Variants in KAZN observed in about 807,000 individuals in gnomAD.
KAZN encodes kazrin, periplakin interacting protein, also known as kazrin.
KAZN carries 40 observed loss-of-function variants against 87.4 expected under a neutral mutation model. That is an observed-to-expected ratio of 0.46 (90% CI 0.36 to 0.60). The LOEUF (loss-of-function observed/expected upper bound fraction) is 0.60, where lower values mean the gene tolerates loss of function less well. Among genes scored for constraint, KAZN ranks in the 20% least tolerant of loss-of-function variants. KAZN has a pLI of 0.00. For missense variants in KAZN, 898 were observed against 1,073.9 expected, an observed-to-expected ratio of 0.84 and a Z score of 2.29; for synonymous variants, 466 against 458.3, an observed-to-expected ratio of 1.02 and a Z score of -0.22.
intron 2 of KAZN, among the ~76,000 whole-genome samples, chr1:14,287,985 T>G (rs1326787405): frequency 2.6e-5 from 4 of 152,258 alleles, no homozygotes; most frequent in African/African-American, 9.6e-5. Context: ...TTACATTTAT[T>G]GATTTGCATA....
intron 1 of KAZN, among the ~76,000 whole-genome samples, chr1:14,656,001 C>G (rs958682851): frequency 2.6e-5 from 4 of 152,174 alleles, no homozygotes; most frequent in Admixed American, 1.3e-4. Flanking sequence ...GCACCCTCCC[C>G]TTAACAACCT....
chr1:14,845,623 T>C (rs1648659383), intron 1 of KAZN, among the ~76,000 whole-genome samples: 1 of 151,952 alleles, frequency 6.6e-6, no homozygotes, highest in African/African-American at 2.4e-5. Flanking sequence ...TCCTTCAGTT[T>C]TGCATGCCCT....
chr1:14,549,464 T>TATCC (rs1398259172), intron 2 of KAZN, among the ~76,000 whole-genome samples: 1 of 152,126 alleles, frequency 6.6e-6, no homozygotes, highest in African/African-American at 2.4e-5. Context: ...GGCCCCCCCT[T>TATCC]ATCCATACCT....
At chr1:15,045,413 A>G (rs1673366140) in intron 4 of KAZN, among the ~76,000 whole-genome samples, 1 of 152,186 alleles carries the variant, frequency 6.6e-6, no homozygotes. Flanking sequence ...AGATAATGGC[A>G]TATGTAGTTG....
chr1:14,701,540 C>A (rs1053987061), intron 1 of KAZN, among the ~76,000 whole-genome samples: 2 of 152,214 alleles, frequency 1.3e-5, no homozygotes, highest in Non-Finnish European at 2.9e-5. Context: ...TGCCTATAAT[C>A]GCAGCACTTT....
intron 1 of KAZN, among the ~76,000 whole-genome samples, chr1:13,954,727 A>C (rs1641478676): frequency 6.6e-6 from 1 of 152,208 alleles, no homozygotes; most frequent in Non-Finnish European, 1.5e-5. Flanking sequence ...GCTCTTATGC[A>C]CTACCTCCAT....
At chr1:15,015,055 AC>A (rs1303315356) in intron 2 of KAZN, among the ~76,000 whole-genome samples, 1 of 152,176 alleles carries the variant, frequency 6.6e-6, no homozygotes, top group East Asian at 1.9e-4. Context: ...AAGTTTTAGA[AC>A]ACTTCTGACA....
At chr1:14,890,980 A>C (rs113461587) in intron 1 of KAZN, among the ~76,000 whole-genome samples, 16,899 of 150,750 alleles carry the variant, frequency 0.11, 1,000 homozygotes, top group Middle Eastern at 0.19. Context: ...AGTAGCTGGG[A>C]CTACAGGCAC....
At chr1:14,660,538 TCTC>T (rs1448104959) in intron 1 of KAZN, among the ~76,000 whole-genome samples, 3 of 122,770 alleles carry the variant, frequency 2.4e-5, no homozygotes, top group African/African-American at 3.3e-5. Flanking sequence ...TCTCTCTCTC[TCTC>T]TTTTTTTTTT....
rs548531484 is a variant in KAZN at position 14,396,870 on chromosome 1, A to G, written c.250-202113A>G. ...TTTCTCTAATGTCAGCCATCTTTTT[A>G]AGACAGATTCCATTTTCTCTGCTCT... On this transcript the variant is annotated intron_variant, in intron 2 of 16. Transcript: ENST00000636203. Among the ~76,000 whole-genome samples the G allele has an allele frequency of 6.6e-5, 10 of 151,400 alleles. No homozygotes were observed. The East Asian group carries it at 1.6e-3, about 24-fold the overall frequency.
chr1:15,092,370 C>T (rs575238250), intron 8 of KAZN, among the ~76,000 whole-genome samples: 3 of 152,216 alleles, frequency 2.0e-5, no homozygotes, highest in African/African-American at 7.2e-5. Flanking sequence ...CCACTGTGCC[C>T]AGCCAGTCAG....
At chr1:13,999,368 AAAAAAC>A (rs921542743) in intron 1 of KAZN, among the ~76,000 whole-genome samples, 2 of 142,740 alleles carry the variant, frequency 1.4e-5, no homozygotes, top group Admixed American at 7.0e-5. Context: ...AACAAAAAAC[AAAAAAC>A]AAAAAAACAA....
intron 1 of KAZN, among the ~76,000 whole-genome samples, chr1:14,722,897 G>A (rs1643190859): frequency 6.6e-6 from 1 of 152,130 alleles, no homozygotes; most frequent in Non-Finnish European, 1.5e-5. Context: ...AGACTGAGGT[G>A]GGAGGGTCAT....
rs571553370 is a variant in KAZN, at chr1:14,226,486, A to T, written c.249+45894A>T. 8.2e-4 allele frequency among the ~76,000 whole-genome samples: 125 copies of T among 152,316 alleles called. 1 individual carries two copies. Among genetic ancestry groups the T allele is most frequent in the African/African-American group, 2.9e-3 (119 of 41,576 alleles). ...AAATAGTTCAGCCACTGTGGAAAGCAGTTTGGAGGTTTCTCAGAGAACTTA... is the reference window on the plus strand; with the variant it reads ...AAATAGTTCAGCCACTGTGGAAAGCTGTTTGGAGGTTTCTCAGAGAACTTA... On this transcript the variant is annotated intron_variant, in intron 2 of 16. Transcript: ENST00000636203.
chr1:14,454,679 T>C (rs1667468389), intron 2 of KAZN, among the ~76,000 whole-genome samples: 1 of 152,182 alleles, frequency 6.6e-6, no homozygotes, highest in Non-Finnish European at 1.5e-5. Context: ...ATATACATTA[T>C]TGAGGATAGC....
At chr1:14,156,923 T>TC (rs1186532203) in intron 1 of KAZN, among the ~76,000 whole-genome samples, 1 of 151,806 alleles carries the variant, frequency 6.6e-6, no homozygotes, top group African/African-American at 2.4e-5. Context: ...TTTTTTTTTT[T>TC]TTTCCTTGTC....
intron 1 of KAZN, among the ~76,000 whole-genome samples, chr1:14,738,228 G>A (rs926807310): frequency 1.7e-4 from 26 of 152,200 alleles, no homozygotes; most frequent in African/African-American, 6.3e-4. Context: ...ACTGTGATGG[G>A]ATGGGAGTCC....
At chr1:14,319,858 G>T (rs371139262) in intron 2 of KAZN, among the ~76,000 whole-genome samples, 6 of 152,224 alleles carry the variant, frequency 3.9e-5, no homozygotes, top group African/African-American at 1.2e-4. Flanking sequence ...TGAAGCAGAA[G>T]GTCTTTATAG....
In KAZN at chr1:14,015,793, G is replaced by C. The variant is rs533713117; in HGVS notation, c.91+122037G>C. Among the ~76,000 whole-genome samples the C allele has an allele frequency of 2.0e-5, 3 of 151,756 alleles. No homozygotes were observed. The South Asian group carries it at 6.3e-4, about 32-fold the overall frequency. On this transcript the variant is annotated intron_variant, in intron 1 of 16. Coordinates refer to the KAZN transcript ENST00000636203. Reference sequence around the variant, plus strand: ...TATGCAATCCTGGGAGGTCAGTGAGGCTTTTCCCATCTTTCCACTGGAGGG... The same window carrying C: ...TATGCAATCCTGGGAGGTCAGTGAGCCTTTTCCCATCTTTCCACTGGAGGG...
Sources: allele counts gnomAD v4.1 joint callset (sites outside exome capture counted in the v4.1 genomes callset), GRCh38; gene constraint gnomAD v4.1.1; transcripts MANE v1.5; gene names NCBI Gene and HGNC (gene_info 2026-07-23, HGNC 2026-07-21).